Variants in KAZN observed in about 807,000 individuals in gnomAD.
KAZN encodes the protein kazrin.
Under a neutral mutation model 87.4 loss-of-function variants are expected in KAZN, and 40 were observed. The observed-to-expected ratio is 0.46, with a 90% confidence interval of 0.36 to 0.60. The LOEUF (loss-of-function observed/expected upper bound fraction) is 0.60. Among genes scored for constraint, KAZN ranks in the 20% least tolerant of loss-of-function variants. The pLI is 0.00. For synonymous variants in KAZN, 466 were observed against 458.3 expected, an observed-to-expected ratio of 1.02 and a Z score of -0.22; for missense variants, 898 against 1,073.9, an observed-to-expected ratio of 0.84 and a Z score of 2.29.
chr1:14,502,225 C>A (rs576596513), intron 2 of KAZN, among the ~76,000 whole-genome samples: 1 of 152,176 alleles, frequency 6.6e-6, no homozygotes, highest in African/African-American at 2.4e-5. Flanking sequence ...TGTGCTTGTC[C>A]TCTCCAACCC....
intron 2 of KAZN, among the ~76,000 whole-genome samples, chr1:14,502,501 G>T (rs1045313447): frequency 1.2e-4 from 19 of 152,068 alleles, no homozygotes; most frequent in African/African-American, 4.6e-4. Context: ...CAGGAGTAGG[G>T]GGTAGAGAAA....
intron 1 of KAZN, among the ~76,000 whole-genome samples, chr1:14,670,802 C>T (rs760513595): frequency 1.3e-5 from 2 of 152,186 alleles, no homozygotes; most frequent in Non-Finnish European, 2.9e-5. Context: ...TCTCAGGTGA[C>T]CCCTGTGCAG....
At chr1:14,582,303 A>C (rs1333453921) in intron 2 of KAZN, among the ~76,000 whole-genome samples, 1 of 152,154 alleles carries the variant, frequency 6.6e-6, no homozygotes, top group East Asian at 1.9e-4. Context: ...AGGATTTGCC[A>C]TCTTAAAGTG....
At chr1:14,330,740 T>A (rs529235578) in intron 2 of KAZN, among the ~76,000 whole-genome samples, 236 of 151,934 alleles carry the variant, frequency 1.6e-3, no homozygotes, top group Non-Finnish European at 2.8e-3. Context: ...AAAAAAAAAA[T>A]TCTAAGCATG....
At chr1:13,968,660 C>G (rs534829515) in intron 1 of KAZN, among the ~76,000 whole-genome samples, 1 of 152,210 alleles carries the variant, frequency 6.6e-6, no homozygotes, top group Non-Finnish European at 1.5e-5. Context: ...TTTCACGTGA[C>G]CTTTCAGCAG....
chr1:15,109,375 A>T (rs188292719), intron 13 of KAZN, among the ~76,000 whole-genome samples: 1 of 152,232 alleles, frequency 6.6e-6, no homozygotes, highest in East Asian at 1.9e-4. Context: ...GCTCAGAGGA[A>T]AAAAAAGATC....
intron 1 of KAZN, among the ~76,000 whole-genome samples, chr1:14,642,167 A>G (rs35126468): frequency 0.18 from 27,220 of 152,244 alleles, 2,618 homozygotes; most frequent in South Asian, 0.28. Context: ...TGGGAGGCCA[A>G]GGCGGGCAGA....
chr1:14,008,684 G>A (rs929847357), intron 1 of KAZN, among the ~76,000 whole-genome samples: 2 of 152,104 alleles, frequency 1.3e-5, no homozygotes, highest in African/African-American at 4.8e-5. Flanking sequence ...TTTTTTGGAG[G>A]ATGAGGATGA....
intron 1 of KAZN, among the ~76,000 whole-genome samples, chr1:14,175,130 A>G (rs1819657): frequency 0.13 from 20,073 of 152,012 alleles, 1,435 homozygotes; most frequent in East Asian, 0.33. Flanking sequence ...TTGAAATGGA[A>G]TCTCACTCTG....
At chr1:15,030,356 C>T (rs1671569361) in intron 2 of KAZN, among the ~76,000 whole-genome samples, 1 of 152,190 alleles carries the variant, frequency 6.6e-6, no homozygotes, top group Admixed American at 6.5e-5. Context: ...CAACCTCTGC[C>T]TCCAGGGTTC....
chr1:15,025,331 G>T (rs1464422850), intron 2 of KAZN, among the ~76,000 whole-genome samples: 1 of 152,178 alleles, frequency 6.6e-6, no homozygotes, highest in Non-Finnish European at 1.5e-5. Context: ...TTTTCTACCA[G>T]TTGAGAAAAT....
At chr1:14,654,287 CA>C (rs140822403) in intron 1 of KAZN, among the ~76,000 whole-genome samples, 337 of 80,314 alleles carry the variant, frequency 4.2e-3, no homozygotes, top group Middle Eastern at 0.014. Flanking sequence ...GGCTTCGTCT[CA>C]AAAAAAAAAA....
chr1:14,628,236 A>G (rs780988407), intron 1 of KAZN, among the ~76,000 whole-genome samples: 2 of 152,152 alleles, frequency 1.3e-5, no homozygotes, highest in Non-Finnish European at 2.9e-5. Flanking sequence ...GTTTGAAAGG[A>G]CGACCTTTTG....
intron 1 of KAZN, among the ~76,000 whole-genome samples, chr1:14,823,996 C>T (rs993220129): frequency 1.3e-5 from 2 of 151,924 alleles, no homozygotes; most frequent in Non-Finnish European, 2.9e-5. Flanking sequence ...TGCCTGTAAT[C>T]CCAGCTACTC....
At chr1:15,063,527 C>G (rs755239706) in intron 6 of KAZN, 45 bp from the exon 7 acceptor site, 2 of 1,567,238 alleles carry the variant, frequency 1.3e-6, no homozygotes, top group Non-Finnish European at 1.8e-6. Flanking sequence ...TCTCCTGTGT[C>G]ACCTGTCTCT....
intron 2 of KAZN, among the ~76,000 whole-genome samples, chr1:14,281,292 G>A (rs1652822583): frequency 2.0e-5 from 3 of 152,166 alleles, no homozygotes; most frequent in African/African-American, 7.2e-5. Flanking sequence ...AGGGGCAAAG[G>A]CAATTGAGGT....
chr1:13,937,271 C>T (rs1640776769), intron 1 of KAZN, among the ~76,000 whole-genome samples: 1 of 152,154 alleles, frequency 6.6e-6, no homozygotes, highest in Non-Finnish European at 1.5e-5. Context: ...GTCTTGAACT[C>T]CCGACCTCGT....
At chr1:14,895,772 G>T (rs987679397) in intron 1 of KAZN, among the ~76,000 whole-genome samples, 2 of 152,154 alleles carry the variant, frequency 1.3e-5, no homozygotes, top group Non-Finnish European at 2.9e-5. Context: ...CCTCTCCCTG[G>T]TTCAAGCCAC....
chr1:14,118,508 A>C (rs929438420), intron 1 of KAZN, among the ~76,000 whole-genome samples: 1 of 152,200 alleles, frequency 6.6e-6, no homozygotes, highest in Non-Finnish European at 1.5e-5. Flanking sequence ...AAGTGTATAA[A>C]ATTTACTGTA....
Sources: gnomAD v4.1 joint callset for allele counts (sites outside exome capture counted in the v4.1 genomes callset) on GRCh38, gnomAD v4.1.1 for gene constraint, MANE v1.5 for transcripts, NCBI Gene and HGNC (gene_info 2026-07-23, HGNC 2026-07-21) for gene names.